Variants in BACH2 observed in about 807,000 individuals in gnomAD.
The protein encoded by BACH2 is BACH transcriptional regulator 2, also known as transcription regulator protein BACH2.
In BACH2, 5 loss-of-function variants were observed where a neutral mutation model predicts 61.8. The observed-to-expected ratio is 0.08, with a 90% CI of 0.04 to 0.17. The LOEUF (loss-of-function observed/expected upper bound fraction) is 0.17. BACH2 is among the 10% of genes least tolerant of loss of function. BACH2 has a pLI of 1.00. For synonymous variants in BACH2, 446 were observed against 440.1 expected, an observed-to-expected ratio of 1.01 and a Z score of -0.17; for missense variants, 824 against 1,091.1, an observed-to-expected ratio of 0.76 and a Z score of 3.45.
Position 90,162,503 on chromosome 6 carries a change from G to A in BACH2, c.-162+44066C>T, listed in dbSNP as rs554487558. ...AAAATTTTTTAAAAATTAGCTGGGC[G>A]TGGTGGCACACACCTGTGGTCCCAG... On this transcript the variant is annotated intron_variant, in intron 4 of 8. Coordinates refer to ENST00000257749, the MANE Select transcript of BACH2 (RefSeq NM_021813.4). 3.9e-5 allele frequency among the ~76,000 whole-genome samples: 6 copies of A among 152,188 alleles called. No individual in the cohort carries two copies. The South Asian group carries it at 1.0e-3, about 26-fold the overall frequency.
Position 89,998,210 on chromosome 6 carries a change from G to A in BACH2, c.243+10392C>T, listed in dbSNP as rs138688082. On this transcript the variant is annotated intron_variant, in intron 6 of 8. Coordinates refer to ENST00000257749, the MANE Select transcript of BACH2 (RefSeq NM_021813.4). ...CTTGGCCAACTTTTGGCCTTGCTTG[G>A]GAACAGCTGCCAGTATTTCTCTTTG... Among the ~76,000 whole-genome samples, 134 of 152,062 alleles carry A rather than the reference G, an allele frequency of 8.8e-4. 1 individual carries two copies. Among genetic ancestry groups the A allele is most frequent in the South Asian group, 8.1e-3 (39 of 4,808 alleles).
intron 4 of BACH2, among the ~76,000 whole-genome samples, chr6:90,114,303 A>G (rs918286629): frequency 2.0e-5 from 3 of 152,196 alleles, no homozygotes; most frequent in African/African-American, 4.8e-5. Flanking sequence ...CAGCACATCA[A>G]AAAATGAATC....
At chr6:90,129,265 CACTGTCCCAG>C in intron 4 of BACH2, among the ~76,000 whole-genome samples, 1 of 152,214 alleles carries the variant, frequency 6.6e-6, no homozygotes, top group Non-Finnish European at 1.5e-5. Context: ...GTTTTAGAAC[CACTGTCCCAG>C]ACTACTGGAG....
At position 90,020,484 on chromosome 6, in the gene BACH2, C is replaced by T. The variant is rs549270135; in HGVS notation, c.-12-11628G>A. 1.1e-3 allele frequency among the ~76,000 whole-genome samples: 165 copies of T among 152,214 alleles called. 1 individual carries two copies. The highest frequency in any genetic ancestry group is 2.6e-3 in the African/African-American group (109 of 41,534). On this transcript the variant is annotated intron_variant, in intron 5 of 8. Coordinates refer to ENST00000257749, the MANE Select transcript of BACH2 (RefSeq NM_021813.4). ...ATGAGCTCCCTCACCATGTGATGCC[C>T]TGTGCCACCTTGGGATTCTGCAGAC...
At chr6:90,108,414 A>C (rs1307549269) in intron 4 of BACH2, among the ~76,000 whole-genome samples, 1 of 152,238 alleles carries the variant, frequency 6.6e-6, no homozygotes, top group Non-Finnish European at 1.5e-5. Context: ...CTCCAGAGCC[A>C]TCTCCTCTTC....
intron 5 of BACH2, among the ~76,000 whole-genome samples, chr6:90,058,642 C>T (rs1179809508): frequency 7.2e-5 from 11 of 152,034 alleles, no homozygotes; most frequent in Non-Finnish European, 7.4e-5. Flanking sequence ...TCATATGGAA[C>T]CAAAAAAGAG....
chr6:90,075,616 C>T (rs74536135), intron 5 of BACH2, among the ~76,000 whole-genome samples: 5,271 of 152,142 alleles, frequency 0.035, 335 homozygotes, highest in African/African-American at 0.12. Flanking sequence ...AAAGTCAAAT[C>T]CAAGATATTA....
intron 4 of BACH2, among the ~76,000 whole-genome samples, chr6:90,115,120 C>T (rs1179504248): frequency 6.6e-6 from 1 of 152,124 alleles, no homozygotes; most frequent in Non-Finnish European, 1.5e-5. Context: ...AGATTCAGTG[C>T]TATTCCTATC....
At chr6:90,067,897 T>C (rs916954557) in intron 5 of BACH2, among the ~76,000 whole-genome samples, 1 of 152,150 alleles carries the variant, frequency 6.6e-6, no homozygotes, top group Non-Finnish European at 1.5e-5. Context: ...ACTTGACATA[T>C]ACTAGATGCT....
intron 3 of BACH2, among the ~76,000 whole-genome samples, chr6:90,209,765 C>T (rs2127850879): frequency 6.6e-6 from 1 of 152,304 alleles, no homozygotes; most frequent in South Asian, 2.1e-4. Flanking sequence ...TTACGGATCC[C>T]TTCCTGCCCC....
At chr6:90,074,623 G>T (rs149077899) in intron 5 of BACH2, among the ~76,000 whole-genome samples, 9 of 152,250 alleles carry the variant, frequency 5.9e-5, no homozygotes, top group African/African-American at 1.7e-4. Context: ...CTGCAGTAGG[G>T]CTCAATTCCT....
chr6:90,187,761 C>G (rs577069516), intron 4 of BACH2, among the ~76,000 whole-genome samples: 105 of 152,298 alleles, frequency 6.9e-4, no homozygotes, highest in Non-Finnish European at 7.8e-4. Context: ...TCCTGAGCAC[C>G]TACTATGGGT....
At chr6:90,185,017 C>T (rs1768304831) in intron 4 of BACH2, among the ~76,000 whole-genome samples, 1 of 152,194 alleles carries the variant, frequency 6.6e-6, no homozygotes, top group African/African-American at 2.4e-5. Flanking sequence ...CTACCAGAAG[C>T]TGAATGTCAG....
intron 3 of BACH2, among the ~76,000 whole-genome samples, chr6:90,237,734 T>G (rs1233716785): frequency 6.6e-6 from 1 of 152,202 alleles, no homozygotes; most frequent in Non-Finnish European, 1.5e-5. Context: ...TCTAAATAAA[T>G]AAGTTGTGAC....
intron 4 of BACH2, among the ~76,000 whole-genome samples, chr6:90,121,486 A>T (rs1294284511): frequency 6.6e-6 from 1 of 152,262 alleles, no homozygotes; most frequent in African/African-American, 2.4e-5. Context: ...TAATAAAAAG[A>T]TATATATCTA....
intron 1 of BACH2, among the ~76,000 whole-genome samples, chr6:90,274,304 T>C (rs929547290): frequency 3.3e-5 from 5 of 152,170 alleles, no homozygotes; most frequent in African/African-American, 4.8e-5. Flanking sequence ...TTAAGATTCA[T>C]TTTTACAAAA....
At chr6:90,251,498 ACC>A (rs1770809465) in intron 3 of BACH2, among the ~76,000 whole-genome samples, 1 of 96,278 alleles carries the variant, frequency 1.0e-5, no homozygotes, top group Non-Finnish European at 3.1e-5. Flanking sequence ...TACTCTGAAA[ACC>A]ATTAGTTTAG....
intron 6 of BACH2, among the ~76,000 whole-genome samples, chr6:89,995,798 T>C (rs1250453933): frequency 6.6e-6 from 1 of 152,186 alleles, no homozygotes; most frequent in Non-Finnish European, 1.5e-5. Flanking sequence ...TCACCTATGC[T>C]AAGTAAGAGT....
chr6:90,261,769 G>A (rs1394877424), intron 2 of BACH2, among the ~76,000 whole-genome samples: 3 of 151,912 alleles, frequency 2.0e-5, no homozygotes, highest in Non-Finnish European at 2.9e-5. Context: ...TTGATCTCAC[G>A]ATCTAATTGA....
Sources: gnomAD v4.1 joint callset for allele counts (sites outside exome capture counted in the v4.1 genomes callset) on GRCh38, gnomAD v4.1.1 for gene constraint, MANE v1.5 for transcripts, NCBI Gene and HGNC (gene_info 2026-07-23, HGNC 2026-07-21) for gene names.